Variants in ARB2A observed in about 807,000 individuals in gnomAD.
ARB2A encodes cotranscriptional regulator ARB2A.
At chr5:93,698,992 T>C in the ARB2A span, among the ~76,000 whole-genome samples, 1 of 152,196 alleles carries the variant, frequency 6.6e-6, no homozygotes, top group Non-Finnish European at 1.5e-5. Context: ...GTCTTTCATT[T>C]CTGCTCCCAA....
At chr5:93,621,263 G>T in the ARB2A span, 3 of 679,958 alleles carry the variant, frequency 4.4e-6, no homozygotes, top group Non-Finnish European at 5.7e-6. Flanking sequence ...CCTGCGCCCC[G>T]CCTCAGCCGC....
the ARB2A span, among the ~76,000 whole-genome samples, chr5:93,772,029 C>G: frequency 2.0e-5 from 3 of 152,166 alleles, no homozygotes; most frequent in East Asian, 5.8e-4. Context: ...TGGCACTATT[C>G]ACAATAGCAA....
At chr5:93,639,351 T>C in the ARB2A span, among the ~76,000 whole-genome samples, 1 of 152,160 alleles carries the variant, frequency 6.6e-6, no homozygotes. Context: ...TTTTGTTACA[T>C]TTAGCCTCCA....
chr5:93,903,709 C>CTGTGTGTGTG, the ARB2A span, among the ~76,000 whole-genome samples: 5 of 144,360 alleles, frequency 3.5e-5, no homozygotes, highest in Admixed American at 1.4e-4. Context: ...TTCTATATAT[C>CTGTGTGTGTG]TGTGTGTGTG....
At chr5:93,865,864 A>G in the ARB2A span, 1 of 985,436 alleles carries the variant, frequency 1.0e-6, no homozygotes, top group Non-Finnish European at 1.2e-6. Flanking sequence ...GAGGTCAAAT[A>G]TGAGGTTAAA....
chr5:94,039,406 T>C, the ARB2A span, among the ~76,000 whole-genome samples: 1 of 152,290 alleles, frequency 6.6e-6, no homozygotes, highest in Middle Eastern at 3.4e-3. Context: ...AAGATGCCCA[T>C]GAGAGTAACC....
At chr5:94,103,051 C>T in the ARB2A span, among the ~76,000 whole-genome samples, 2 of 151,974 alleles carry the variant, frequency 1.3e-5, no homozygotes. Context: ...CCATTACTGG[C>T]CACCACAAAA....
At chr5:94,020,204 G>T in the ARB2A span, among the ~76,000 whole-genome samples, 1 of 144,564 alleles carries the variant, frequency 6.9e-6, no homozygotes, top group Admixed American at 7.0e-5. Context: ...ATAAGTGGGA[G>T]TTTGGGAGTT....
chr5:93,958,391 G>A, the ARB2A span, among the ~76,000 whole-genome samples: 3 of 151,876 alleles, frequency 2.0e-5, no homozygotes, highest in Non-Finnish European at 2.9e-5. Context: ...GTAGGCAAAG[G>A]TTTACAAAAG....
At chr5:93,970,223 C>A in the ARB2A span, among the ~76,000 whole-genome samples, 1 of 152,014 alleles carries the variant, frequency 6.6e-6, no homozygotes, top group African/African-American at 2.4e-5. Context: ...AACACCAATA[C>A]CCATACATCA....
chr5:93,801,061 T>C, the ARB2A span, among the ~76,000 whole-genome samples: 1 of 152,154 alleles, frequency 6.6e-6, no homozygotes, highest in Non-Finnish European at 1.5e-5. Context: ...TTGCTTATCT[T>C]TCTTTTGACC....
At chr5:93,674,920 C>T in the ARB2A span, among the ~76,000 whole-genome samples, 2 of 152,166 alleles carry the variant, frequency 1.3e-5, no homozygotes, top group Non-Finnish European at 2.9e-5. Context: ...ACAGTTATAA[C>T]ATATCCCCTA....
chr5:93,619,162 A>C, the ARB2A span: 1 of 152,222 alleles, frequency 6.6e-6, no homozygotes, highest in Admixed American at 6.5e-5. Flanking sequence ...GTTCACCACT[A>C]CTTCTAAAAT....
chr5:93,757,934 C>T, the ARB2A span, among the ~76,000 whole-genome samples: 5 of 152,156 alleles, frequency 3.3e-5, no homozygotes, highest in Non-Finnish European at 7.4e-5. Flanking sequence ...AAATGCTCCA[C>T]TTAAAAAATA....
At chr5:93,806,314 T>C in the ARB2A span, among the ~76,000 whole-genome samples, 12 of 151,966 alleles carry the variant, frequency 7.9e-5, no homozygotes, top group Admixed American at 6.6e-4. Context: ...CTACCAAACA[T>C]ATACTAAATC....
At chr5:94,042,205 T>C in the ARB2A span, among the ~76,000 whole-genome samples, 7 of 152,072 alleles carry the variant, frequency 4.6e-5, no homozygotes, top group Non-Finnish European at 8.8e-5. Context: ...GTGAATATAT[T>C]GGCTAAAGTA....
chr5:94,055,674 T>C, the ARB2A span: 1 of 985,372 alleles, frequency 1.0e-6, no homozygotes, highest in Non-Finnish European at 1.2e-6. Flanking sequence ...TTGTAAATCT[T>C]TTCAAAATAA....
At chr5:94,088,506 C>CTA in the ARB2A span, among the ~76,000 whole-genome samples, 1 of 151,992 alleles carries the variant, frequency 6.6e-6, no homozygotes, top group African/African-American at 2.4e-5. Context: ...CATAGCAAGA[C>CTA]GGTATCTCTA....
At chr5:93,757,815 T>G in the ARB2A span, among the ~76,000 whole-genome samples, 4 of 151,788 alleles carry the variant, frequency 2.6e-5, no homozygotes, top group African/African-American at 9.7e-5. Context: ...AAATACAAGT[T>G]AAAAAGCAAA....
Sources: gnomAD v4.1 joint callset for allele counts (sites outside exome capture counted in the v4.1 genomes callset) on GRCh38, gnomAD v4.1.1 for gene constraint, MANE v1.5 for transcripts, NCBI Gene and HGNC (gene_info 2026-07-23, HGNC 2026-07-21) for gene names.